TICRR: variants seen among roughly 807,000 people sequenced by gnomAD.
TICRR encodes treslin.
A neutral mutation model predicts 178.1 loss-of-function variants in TICRR; 132 were observed. That is an observed-to-expected ratio of 0.74 (90% CI 0.64 to 0.86). TICRR has a LOEUF of 0.86. Ranked by LOEUF, TICRR falls within the 40% of genes least tolerant of loss-of-function variation. TICRR has a pLI of 0.00. For synonymous variants in TICRR, 991 were observed against 900.7 expected (o/e 1.10, Z -1.79); for missense variants, 2,587 against 2,334.3 (o/e 1.11, Z -2.23).
At chr15:89,577,599 C>CTTTTTTT (rs71151513) in intron 1 of TICRR, among the ~76,000 whole-genome samples, 8 of 60,872 alleles carry the variant, frequency 1.3e-4, no homozygotes, top group East Asian at 6.8e-4. Flanking sequence ...GAGGGAAGGC[C>CTTTTTTT]TTTTTTTTTT....
chr15:89,605,470 G>A (rs879862868), intron 13 of TICRR, among the ~76,000 whole-genome samples: 1 of 152,120 alleles, frequency 6.6e-6, no homozygotes, highest in East Asian at 1.9e-4. Flanking sequence ...CCGGGTTCAC[G>A]CCATTCTCCT....
intron 19 of TICRR, 32 bp downstream of exon 19, chr15:89,621,582 T>A (rs1342802204): frequency 6.4e-7 from 1 of 1,573,954 alleles, no homozygotes; most frequent in Non-Finnish European, 8.6e-7. Context: ...TGAAATAATA[T>A]AATCTCCTGG....
intron 15 of TICRR, among the ~76,000 whole-genome samples, chr15:89,609,312 C>G (rs1173683727): frequency 2.0e-5 from 3 of 151,608 alleles, no homozygotes; most frequent in Non-Finnish European, 4.4e-5. Context: ...ATGGTCTTAT[C>G]ATGCTGCCCA....
At chr15:89,599,818 T>C (rs1248979748) in intron 8 of TICRR, among the ~76,000 whole-genome samples, 1 of 152,134 alleles carries the variant, frequency 6.6e-6, no homozygotes, top group Non-Finnish European at 1.5e-5. Context: ...AAAAAATATA[T>C]ATATGCCAAC....
chr15:89,626,622 G>T (rs1963532678), intron 21 of TICRR, among the ~76,000 whole-genome samples: 1 of 152,142 alleles, frequency 6.6e-6, no homozygotes, highest in Non-Finnish European at 1.5e-5. Flanking sequence ...TGGTGGTTCA[G>T]TTCCCTCAAG....
chr15:89,576,132 G>C lies in TICRR; in HGVS notation c.546G>C (p.Pro182=). The change falls in exon 1 of 22, where the codon CCG becomes CCC. Residue 182 remains proline (P), a synonymous_variant. Transcript: ENST00000268138. ...SGCEAQAQRL[P]PTPKQVMEKL... ...GCGAGGCCCAGGCCCAGCGCCTGCCGCCCACCCCTAAGCAGGTGATGGAGA... is the reference window on the plus strand; with the variant it reads ...GCGAGGCCCAGGCCCAGCGCCTGCCCCCCACCCCTAAGCAGGTGATGGAGA... 1 of 1,609,276 alleles carries C rather than the reference G, an allele frequency of 6.2e-7. No individual in the cohort carries two copies.
At position 89,612,166 on chromosome 15, in the gene TICRR, T is replaced by C. The variant is rs190891476; in HGVS notation, c.2869+3217T>C. Among the ~76,000 whole-genome samples the C allele has an allele frequency of 2.0e-5, 3 of 152,342 alleles. 1 individual carries two copies. The East Asian group carries it at 5.8e-4, about 29-fold the overall frequency. ...CTTATTAAGGATCTCAGCTATTCATTTGTGCCTTTTCTGAACTATTTGTGT... is the reference window on the plus strand; with the variant it reads ...CTTATTAAGGATCTCAGCTATTCATCTGTGCCTTTTCTGAACTATTTGTGT... On this transcript the variant is annotated intron_variant, in intron 15 of 21. Transcript: ENST00000268138.
At chr15:89,580,266 C>A (rs115000025) in intron 1 of TICRR, 3,083 of 152,356 alleles carry the variant, frequency 0.02, 96 homozygotes, top group African/African-American at 0.066. Flanking sequence ...GATCCACCTG[C>A]CTTGTGGATC....
At chr15:89,605,238 A>G (rs548589582) in intron 13 of TICRR, among the ~76,000 whole-genome samples, 94 of 152,388 alleles carry the variant, frequency 6.2e-4, no homozygotes, top group Non-Finnish European at 1.0e-3. Flanking sequence ...AGCTACAGGC[A>G]TTATGGAAAG....
intron 6 of TICRR, among the ~76,000 whole-genome samples, chr15:89,595,045 A>G (rs986996761): frequency 6.6e-6 from 1 of 152,168 alleles, no homozygotes; most frequent in African/African-American, 2.4e-5. Context: ...CTTTATGTAG[A>G]TTGCTAAATT....
Position 89,592,184 on chromosome 15 carries a change from G to T in TICRR, c.1541+8G>T. The T allele has an allele frequency of 6.2e-7, 1 of 1,609,068 alleles. No individual in the cohort carries two copies. Among genetic ancestry groups the T allele is most frequent in the Non-Finnish European group, 8.5e-7 (1 of 1,176,312 alleles). ...TTTGATGGAGTCATTTGGGTAAAAC[G>T]TTTTTATATCTCTTGAATATTGATT... On this transcript the variant is annotated splice_region_variant and intron_variant, in intron 5 of 21. Coordinates refer to ENST00000268138, the MANE Select transcript of TICRR (RefSeq NM_152259.4).
chr15:89,612,101 A>T (rs1252098733), intron 15 of TICRR, among the ~76,000 whole-genome samples: 1 of 152,200 alleles, frequency 6.6e-6, no homozygotes, highest in Admixed American at 6.5e-5. Context: ...AACTGCATGG[A>T]GGTCAGATCC....
intron 4 of TICRR, among the ~76,000 whole-genome samples, chr15:89,587,802 G>A (rs1962846817): frequency 6.6e-6 from 1 of 152,172 alleles, no homozygotes; most frequent in Admixed American, 6.5e-5. Flanking sequence ...AACAGCAAGT[G>A]TGGACAATTT....
chr15:89,620,870 C>T (rs558677209), intron 18 of TICRR, among the ~76,000 whole-genome samples: 85 of 151,598 alleles, frequency 5.6e-4, no homozygotes, highest in African/African-American at 2.0e-3. Flanking sequence ...CTACAGGCGC[C>T]CGCCACCACG....
At chr15:89,583,255 C>T (rs953429080) in intron 2 of TICRR, among the ~76,000 whole-genome samples, 1 of 152,178 alleles carries the variant, frequency 6.6e-6, no homozygotes, top group African/African-American at 2.4e-5. Context: ...TGCCCAAGCA[C>T]ATGGGTATAC....
Position 89,621,477 on chromosome 15 carries a change from C to T in TICRR, c.3239C>T (p.Ser1080Leu). 6.2e-7 allele frequency: 1 copy of T among 1,614,098 alleles called. No individual in the cohort carries two copies. The highest frequency in any genetic ancestry group is 1.1e-5 in the South Asian group (1 of 91,060). ...FGAMSEMISP[S>L]EKGSARMKKR... ...GCAATGTCTGAGATGATCAGCCCCT[C>T]AGAAAAGGGTTCAGCTCGAATGAAA... Residue 1080 changes from serine to leucine, a missense_variant, in exon 19 of 22, where the codon TCA becomes TTA. Physicochemically the swap from Ser to Leu is moderately radical, Grantham distance 145. Coordinates refer to ENST00000268138, the MANE Select transcript of TICRR (RefSeq NM_152259.4).
At chr15:89,578,910 G>C (rs972814605) in intron 1 of TICRR, among the ~76,000 whole-genome samples, 1 of 152,114 alleles carries the variant, frequency 6.6e-6, no homozygotes, top group Non-Finnish European at 1.5e-5. Context: ...TTTGGGCTGT[G>C]TCCTTGGGGA....
rs377668487 is a variant in TICRR, at chr15:89,582,816, G to C, written c.785G>C (p.Ser262Thr). Residue 262 changes from serine to threonine, a missense_variant, in exon 2 of 22, where the codon AGT becomes ACT. Transcript: ENST00000268138. ...FAQAGEMLLR[S>T]GIKLSSEPHL... ...CAAGCTGGGGAAATGCTGCTCAGGA[G>C]TGGAATAAAGCTGTCAAGTGAACCT... is the stretch of plus-strand genomic sequence containing the variant. 1 of 1,614,058 alleles carries C rather than the reference G, an allele frequency of 6.2e-7. No individual in the cohort carries two copies. The highest frequency in any genetic ancestry group is 1.3e-5 in the African/African-American group (1 of 74,920).
chr15:89,602,433 C>T (rs1963113671), intron 12 of TICRR, among the ~76,000 whole-genome samples: 1 of 152,066 alleles, frequency 6.6e-6, no homozygotes, highest in Non-Finnish European at 1.5e-5. Context: ...CCTATGGGAC[C>T]ATTGTCATAT....
Sources: allele counts gnomAD v4.1 joint callset (sites outside exome capture counted in the v4.1 genomes callset), GRCh38; gene constraint gnomAD v4.1.1; transcripts MANE v1.5; gene names NCBI Gene and HGNC (gene_info 2026-07-23, HGNC 2026-07-21).